Variants in ASPG observed in about 807,000 individuals in gnomAD.
The protein encoded by ASPG is 60 kDa lysophospholipase.
ASPG carries 53 observed loss-of-function variants against 63.2 expected under a neutral mutation model. The observed-to-expected ratio is 0.84, with a 90% CI of 0.67 to 1.05. The LOEUF (loss-of-function observed/expected upper bound fraction) is 1.05, where lower values mean the gene tolerates loss of function less well. Among genes scored for constraint, ASPG ranks in the 50% least tolerant of loss-of-function variants. ASPG has a pLI of 0.00. For missense variants in ASPG, 741 were observed against 794.4 expected (o/e 0.93, Z 0.81); for synonymous variants, 370 against 355.0 (o/e 1.04, Z -0.48).
In ASPG at chr14:104,091,534, C is replaced by T. The variant is rs367748807; in HGVS notation, c.83-1099C>T. 1.3e-5 allele frequency among the ~76,000 whole-genome samples: 2 copies of T among 152,086 alleles called. No homozygotes were observed. Among genetic ancestry groups the T allele is most frequent in the East Asian group, 1.9e-4 (1 of 5,174 alleles). On this transcript the variant is annotated intron_variant, in intron 1 of 15. Transcript: ENST00000551177. The surrounding 1 kb of genome is among the most constrained non-coding windows in gnomAD (Gnocchi z 6.4). ...TTTGTGTAAGGCCAGAGGAGGATCA[C>T]GGGTGCCATAAACCTTCACGGGGCC...
intron 3 of ASPG, among the ~76,000 whole-genome samples, chr14:104,095,294 G>A (rs760433544): frequency 6.6e-6 from 1 of 152,198 alleles, no homozygotes; most frequent in East Asian, 1.9e-4. Context: ...TCTGAGGGGA[G>A]CCTCAGCGTG....
At position 104,093,267 on chromosome 14, in the gene ASPG, G is replaced by C. The variant is rs183760892; in HGVS notation, c.192-224G>C. On this transcript the variant is annotated intron_variant, in intron 2 of 15. Transcript: ENST00000551177. Reference sequence around the variant, plus strand: ...AGCTGGTGTGGGAAGAAGACTGCTGGGAGTGGCCCATCCTGACCTACGTCC... The same window carrying C: ...AGCTGGTGTGGGAAGAAGACTGCTGCGAGTGGCCCATCCTGACCTACGTCC... The C allele has an allele frequency of 5.8e-4, 350 of 604,590 alleles. 1 individual carries two copies. Among genetic ancestry groups the C allele is most frequent in the African/African-American group, 5.8e-3 (313 of 54,300 alleles). The allele number at this position is 604,590 out of a possible 1,614,324, so 37.5% of individuals were successfully genotyped here. A position where few individuals can be genotyped will look rare whatever the true frequency, so the allele number is the denominator to read the frequency against.
intron 12 of ASPG, chr14:104,108,583 A>C: frequency 1.0e-6 from 1 of 985,364 alleles, no homozygotes; most frequent in Non-Finnish European, 1.2e-6. Flanking sequence ...GGGTGGGGGC[A>C]CGGCCAGCGA....
chr14:104,104,232 G>T lies in ASPG; in HGVS notation c.754-72G>T, dbSNP rs930189101. 6.7e-6 allele frequency: 10 copies of T among 1,494,832 alleles called. No individual in the cohort carries two copies. In the South Asian group the frequency reaches 9.1e-5, roughly 14 times the overall value. The allele number at this position is 1,494,832 out of a possible 1,614,324, so 92.6% of individuals were successfully genotyped here. The stretch of plus-strand genomic sequence containing the variant: ...GCTTGGGGTCCCTCTCCTTGGGAGG[G>T]CATGGGGCGAGTCTCAGTGGTGCTG... On this transcript the variant is annotated intron_variant, in intron 7 of 15. Transcript: ENST00000551177.
chr14:104,103,316 C>A (rs1040383523), intron 6 of ASPG, among the ~76,000 whole-genome samples: 1 of 152,270 alleles, frequency 6.6e-6, no homozygotes, highest in Non-Finnish European at 1.5e-5. Context: ...ATCGGTCTCT[C>A]GCTGGCCAAC....
At position 104,106,802 on chromosome 14, in the gene ASPG, G is replaced by T; in HGVS notation, c.1177G>T (p.Ala393Ser). ...WLLSLSGSQE[A>S]DALRNALVPS... ...GGGTGCCGCCTTCCCCACCTAGGAG[G>T]CAGATGCCCTGCGGAATGCCCTGGT... Residue 393 changes from alanine (A) to serine (S), a missense_variant, in exon 11 of 16, where the codon GCA (alanine) becomes TCA (serine). Coordinates refer to ENST00000551177, the MANE Select transcript of ASPG (RefSeq NM_001080464.3). The T allele has an allele frequency of 6.3e-7, 1 of 1,594,658 alleles. No homozygotes were observed.
At position 104,098,233 on chromosome 14, in the gene ASPG, A is replaced by G. The variant is rs150043066; in HGVS notation, c.513+596A>G. On this transcript the variant is annotated intron_variant, in intron 5 of 15. Coordinates refer to ENST00000551177, the MANE Select transcript of ASPG (RefSeq NM_001080464.3). ...TTAGAGATACGTATGGAGGTTTTACATTAGAGATAGGTATGGAAGTTTCTA... is the reference window on the plus strand; with the variant it reads ...TTAGAGATACGTATGGAGGTTTTACGTTAGAGATAGGTATGGAAGTTTCTA... Among the ~76,000 whole-genome samples, 323 of 150,918 alleles carry G rather than the reference A, an allele frequency of 2.1e-3. 2 individuals carry two copies. Among genetic ancestry groups the G allele is most frequent in the Non-Finnish European group, 2.4e-3 (160 of 67,428 alleles).
At chr14:104,086,802 C>T (rs2036232998) in intron 1 of ASPG, among the ~76,000 whole-genome samples, 1 of 152,126 alleles carries the variant, frequency 6.6e-6, no homozygotes, top group Non-Finnish European at 1.5e-5. Context: ...CCACTCCCTG[C>T]TGCCCTGGCC....
At chr14:104,111,467 G>C (rs1378341526) in intron 13 of ASPG, 35 bp from the exon 14 acceptor site, 8 of 1,511,024 alleles carry the variant, frequency 5.3e-6, no homozygotes, top group Non-Finnish European at 7.2e-6. Context: ...GTGCCCAGCA[G>C]GCCCCAACAA....
chr14:104,111,847 G>T (rs2037393474), intron 14 of ASPG, 73 bp from the exon 15 acceptor site: 11 of 1,444,102 alleles, frequency 7.6e-6, no homozygotes, highest in Admixed American at 2.0e-5. Context: ...AGGGCATCCT[G>T]GGGATGGGGA....
At chr14:104,104,546 T>A in intron 8 of ASPG, 60 bp downstream of exon 8, 1 of 1,591,834 alleles carries the variant, frequency 6.3e-7, no homozygotes. Context: ...CTGGCAGAGG[T>A]GGGCTCTGAC....
At chr14:104,106,731 G>A (rs576138765) in intron 10 of ASPG, 68 bp from the exon 11 acceptor site, 367 of 1,395,156 alleles carry the variant, frequency 2.6e-4, no homozygotes, top group Non-Finnish European at 3.2e-4. Flanking sequence ...ATACAGCACC[G>A]GGGACTGCCA....
chr14:104,112,048 G>T, intron 15 of ASPG, 48 bp downstream of exon 15: 1 of 1,512,590 alleles, frequency 6.6e-7, no homozygotes. Flanking sequence ...TGAGCTTCTA[G>T]TGCAGGGCTG....
intron 12 of ASPG, chr14:104,108,294 GT>G (rs1296549960): frequency 1.9e-6 from 1 of 516,708 alleles, no homozygotes; most frequent in East Asian, 1.5e-4. Flanking sequence ...CAGGGCTGGG[GT>G]GATCCGGACT....
chr14:104,103,945 G>A (rs1319253744), intron 7 of ASPG, among the ~76,000 whole-genome samples: 1 of 152,236 alleles, frequency 6.6e-6, no homozygotes, highest in Non-Finnish European at 1.5e-5. Context: ...GCGTCCTCCC[G>A]CAGATTCCAG....
At chr14:104,092,920 C>T (rs1438976209) in intron 2 of ASPG, 179 bp downstream of exon 2, 1 of 599,224 alleles carries the variant, frequency 1.7e-6, no homozygotes, top group South Asian at 2.1e-5. Context: ...GAGCCTGAAC[C>T]TCTGAGGGTG....
chr14:104,096,917 G>A (rs950080445), intron 4 of ASPG, among the ~76,000 whole-genome samples: 1 of 152,190 alleles, frequency 6.6e-6, no homozygotes, highest in Non-Finnish European at 1.5e-5. Context: ...CCTCTGCACC[G>A]CCACCTGCGC....
chr14:104,112,581 C>T lies in ASPG; in HGVS notation c.*37C>T, dbSNP rs770252927. On this transcript the variant is annotated 3_prime_UTR_variant, in exon 16 of 16. Coordinates refer to ENST00000551177, the MANE Select transcript of ASPG (RefSeq NM_001080464.3). ...CCTGCTGCAGTATAAGCCATTCCTT[C>T]CTCCCATGACCTGCTGGAGGGGTCT... The T allele has an allele frequency of 6.2e-6, 10 of 1,605,786 alleles. No individual in the cohort carries two copies. The Admixed American group carries it at 6.7e-5, about 11-fold the overall frequency.
intron 2 of ASPG, 174 bp downstream of exon 2, chr14:104,092,915 T>A: frequency 1.6e-6 from 1 of 606,534 alleles, no homozygotes; most frequent in Non-Finnish European, 2.9e-6. Context: ...CACCAGAGCC[T>A]GAACCTCTGA....
Sources: allele counts gnomAD v4.1 joint callset (sites outside exome capture counted in the v4.1 genomes callset), GRCh38; gene constraint gnomAD v4.1.1; non-coding constraint Gnocchi (gnomAD v3.1); transcripts MANE v1.5; gene names NCBI Gene and HGNC (gene_info 2026-07-23, HGNC 2026-07-21).